Variants in CNTNAP2 observed in about 807,000 individuals in gnomAD.
CNTNAP2 encodes contactin-associated protein-like 2.
A neutral mutation model predicts 155.2 loss-of-function variants in CNTNAP2; 98 were observed. The observed-to-expected ratio is 0.63, with a 90% CI of 0.54 to 0.75. The LOEUF (loss-of-function observed/expected upper bound fraction) is 0.75, where lower values mean the gene tolerates loss of function less well. Ranked by LOEUF, CNTNAP2 falls within the 30% of genes least tolerant of loss-of-function variation. CNTNAP2 has a pLI of 0.00. For synonymous variants in CNTNAP2, 651 were observed against 631.2 expected (o/e 1.03, Z -0.47); for missense variants, 1,727 against 1,688.1 (o/e 1.02, Z -0.40).
At chr7:146,746,010 G>T (rs1483150200) in intron 1 of CNTNAP2, among the ~76,000 whole-genome samples, 2 of 152,178 alleles carry the variant, frequency 1.3e-5, no homozygotes. Context: ...TAGCCTTTTG[G>T]CTGTGATCAA....
intron 11 of CNTNAP2, among the ~76,000 whole-genome samples, chr7:147,530,185 A>ATTTT: frequency 1.1e-5 from 1 of 87,408 alleles, no homozygotes; most frequent in African/African-American, 4.2e-5. Flanking sequence ...GGCAAAAGGC[A>ATTTT]CTTTTTTTTT....
chr7:147,806,588 G>A (rs1798095569), intron 13 of CNTNAP2, among the ~76,000 whole-genome samples: 1 of 152,194 alleles, frequency 6.6e-6, no homozygotes, highest in African/African-American at 2.4e-5. Context: ...CCAAGATGTG[G>A]AAGCAGCCTT....
In CNTNAP2 at chr7:146,906,979, C is replaced by T. The variant is rs567628980; in HGVS notation, c.402+67075C>T. ...TAAAGGAGCTGATGGAGCTGAAAAC[C>T]AAGGCTCGAGAACTACGTGAAGAAT... On this transcript the variant is annotated intron_variant, in intron 3 of 23. Transcript: ENST00000361727. Among the ~76,000 whole-genome samples the T allele has an allele frequency of 3.9e-3, 576 of 148,512 alleles. 8 individuals carry two copies. Among genetic ancestry groups the T allele is most frequent in the African/African-American group, 0.013 (529 of 40,246 alleles).
intron 3 of CNTNAP2, among the ~76,000 whole-genome samples, chr7:146,842,403 G>C (rs1370189008): frequency 6.6e-6 from 1 of 152,008 alleles, no homozygotes; most frequent in Non-Finnish European, 1.5e-5. Context: ...AAATCAGTAT[G>C]CTACGTGATG....
At chr7:147,658,256 CA>C (rs11358943) in intron 13 of CNTNAP2, among the ~76,000 whole-genome samples, 69,260 of 95,168 alleles carry the variant, frequency 0.73, 24,239 homozygotes, top group Middle Eastern at 0.83. Context: ...GACTCCGTCC[CA>C]AAAAAAAAAA....
rs1216458499 is a variant in CNTNAP2, at chr7:147,301,263, A to G, written c.1498+973A>G. On this transcript the variant is annotated intron_variant, in intron 9 of 23. Transcript: ENST00000361727. ...AACTCTATGTGTGAAAAAGTGTTGT[A>G]GCAAAGACCTGTCACATTTTCTAAT... Among the ~76,000 whole-genome samples the G allele has an allele frequency of 1.3e-5, 2 of 152,212 alleles. 1 individual carries two copies. The highest frequency in any genetic ancestry group is 4.8e-5 in the African/African-American group (2 of 41,464).
At chr7:148,400,463 A>G (rs28375423) in intron 22 of CNTNAP2, among the ~76,000 whole-genome samples, 1 of 152,172 alleles carries the variant, frequency 6.6e-6, no homozygotes. Context: ...ACAAACCTCA[A>G]CGAAGAGCCG....
intron 12 of CNTNAP2, among the ~76,000 whole-genome samples, chr7:147,574,902 C>G (rs1463513214): frequency 3.3e-5 from 5 of 152,132 alleles, no homozygotes. Flanking sequence ...ATCTGTCAAA[C>G]AGCCTTAATG....
At chr7:146,253,783 A>G (rs1799793828) in intron 1 of CNTNAP2, among the ~76,000 whole-genome samples, 1 of 152,202 alleles carries the variant, frequency 6.6e-6, no homozygotes, top group Admixed American at 6.5e-5. Context: ...TAGGCTGAGC[A>G]TGGTGACTCA....
chr7:147,186,312 T>C (rs1802565003), intron 8 of CNTNAP2, among the ~76,000 whole-genome samples: 1 of 152,174 alleles, frequency 6.6e-6, no homozygotes, highest in African/African-American at 2.4e-5. Context: ...GTATCAAGTA[T>C]TACATAATAA....
chr7:146,712,380 G>A (rs1477916182), intron 1 of CNTNAP2, among the ~76,000 whole-genome samples: 2 of 129,350 alleles, frequency 1.5e-5, no homozygotes, highest in Non-Finnish European at 1.6e-5. Context: ...CATATCTTAT[G>A]TATACTATAT....
At chr7:146,902,281 C>T (rs1288659807) in intron 3 of CNTNAP2, among the ~76,000 whole-genome samples, 1 of 152,040 alleles carries the variant, frequency 6.6e-6, no homozygotes, top group Non-Finnish European at 1.5e-5. Context: ...CTGAACTACT[C>T]ATAATTTCTC....
At chr7:146,692,589 T>C (rs886301039) in intron 1 of CNTNAP2, among the ~76,000 whole-genome samples, 3 of 152,156 alleles carry the variant, frequency 2.0e-5, no homozygotes, top group African/African-American at 7.2e-5. Flanking sequence ...AGAATTAAAA[T>C]AGATAAAGAG....
intron 15 of CNTNAP2, among the ~76,000 whole-genome samples, chr7:148,093,204 A>T (rs1803884691): frequency 6.6e-6 from 1 of 152,010 alleles, no homozygotes. Flanking sequence ...AAAAAAAATT[A>T]AATTTTTTTA....
intron 1 of CNTNAP2, among the ~76,000 whole-genome samples, chr7:146,553,253 G>A (rs1312492846): frequency 1.3e-5 from 2 of 151,938 alleles, no homozygotes; most frequent in Non-Finnish European, 2.9e-5. Flanking sequence ...ATATATTTAT[G>A]TCTATTCTTG....
chr7:146,215,051 C>A (rs901223340), intron 1 of CNTNAP2, among the ~76,000 whole-genome samples: 22 of 152,140 alleles, frequency 1.4e-4, no homozygotes, highest in Non-Finnish European at 2.6e-4. Context: ...AAGCAGACAT[C>A]AAATCAAATG....
At position 147,124,182 on chromosome 7, in the gene CNTNAP2, C is replaced by T. The variant is rs1268381035; in HGVS notation, c.939+3019C>T. Among the ~76,000 whole-genome samples, 3 of 152,138 alleles carry T rather than the reference C, an allele frequency of 2.0e-5. No homozygotes were observed. The East Asian group carries it at 5.8e-4, about 29-fold the overall frequency. ...AGACTGCATGAAAATTAGCTTCAAA[C>T]CTAAAATAATACAAATTATACAACA... On this transcript the variant is annotated intron_variant, in intron 6 of 23. Transcript: ENST00000361727.
At chr7:147,412,142 A>G (rs1563194992) in intron 10 of CNTNAP2, among the ~76,000 whole-genome samples, 2 of 152,186 alleles carry the variant, frequency 1.3e-5, no homozygotes, top group Non-Finnish European at 2.9e-5. Flanking sequence ...CTCGAAATTC[A>G]TCAGTAACTT....
intron 4 of CNTNAP2, among the ~76,000 whole-genome samples, chr7:147,087,705 G>C (rs1202915790): frequency 6.6e-6 from 1 of 152,156 alleles, no homozygotes; most frequent in African/African-American, 2.4e-5. Flanking sequence ...GGCCGGGCAT[G>C]GTGGCTCATG....
Sources: gnomAD v4.1 joint callset for allele counts (sites outside exome capture counted in the v4.1 genomes callset) on GRCh38, gnomAD v4.1.1 for gene constraint, MANE v1.5 for transcripts, NCBI Gene and HGNC (gene_info 2026-07-23, HGNC 2026-07-21) for gene names.